The following CDH12 variants were observed in gnomAD, a reference collection of about 807,000 sequenced individuals.
The protein encoded by CDH12 is cadherin-12.
A neutral mutation model predicts 74.1 loss-of-function variants in CDH12; 41 were observed. That is an observed-to-expected ratio of 0.55 (90% CI 0.43 to 0.72). CDH12 has a LOEUF of 0.72. Among genes scored for constraint, CDH12 ranks in the 30% least tolerant of loss-of-function variants. The pLI is 0.00. For missense variants in CDH12, 945 were observed against 977.2 expected, an observed-to-expected ratio of 0.97 and a Z score of 0.44; for synonymous variants, 399 against 355.0, an observed-to-expected ratio of 1.12 and a Z score of -1.39.
chr5:22,145,656 T>C (rs182889990), intron 4 of CDH12, among the ~76,000 whole-genome samples: 3 of 152,216 alleles, frequency 2.0e-5, no homozygotes, highest in Admixed American at 2.0e-4. Context: ...CGGTGAGCAG[T>C]GGCTAAATGA....
intron 1 of CDH12, among the ~76,000 whole-genome samples, chr5:22,827,224 C>T (rs1736385811): frequency 6.6e-6 from 1 of 152,180 alleles, no homozygotes; most frequent in East Asian, 1.9e-4. Flanking sequence ...GCCATGGCGT[C>T]TTCCATGTGG....
At chr5:22,705,747 G>A (rs562390185) in intron 1 of CDH12, among the ~76,000 whole-genome samples, 1 of 152,006 alleles carries the variant, frequency 6.6e-6, no homozygotes, top group African/African-American at 2.4e-5. Context: ...TGAGGGATAA[G>A]GAGATATAAT....
intron 4 of CDH12, among the ~76,000 whole-genome samples, chr5:22,092,303 G>T (rs945256690): frequency 6.6e-6 from 1 of 151,962 alleles, no homozygotes; most frequent in African/African-American, 2.4e-5. Context: ...TTGCTTCAAA[G>T]AATACAGATA....
chr5:22,619,629 T>C (rs1737869291), intron 1 of CDH12, among the ~76,000 whole-genome samples: 1 of 151,992 alleles, frequency 6.6e-6, no homozygotes, highest in South Asian at 2.1e-4. Context: ...GGTAACCTAT[T>C]TTCTATAATT....
At chr5:22,637,467 A>G (rs985183691) in intron 1 of CDH12, among the ~76,000 whole-genome samples, 3 of 152,246 alleles carry the variant, frequency 2.0e-5, no homozygotes, top group African/African-American at 7.2e-5. Flanking sequence ...AAAGAAACTA[A>G]AACATTTTCT....
chr5:22,052,976 G>T lies in CDH12; in HGVS notation c.231+25470C>A, dbSNP rs572671880. On this transcript the variant is annotated intron_variant, in intron 5 of 14. Transcript: ENST00000382254. ...TGCACTTAAACTACATTTTAAAAGA[G>T]ATGCTTAAAGAAAGTTTTATCTCTA... 2.4e-4 allele frequency among the ~76,000 whole-genome samples: 37 copies of T among 151,954 alleles called. No individual in the cohort carries two copies. The South Asian group carries it at 6.8e-3, about 28-fold the overall frequency.
chr5:22,253,161 ATATAC>A (rs1169475332), intron 3 of CDH12, among the ~76,000 whole-genome samples: 1 of 151,930 alleles, frequency 6.6e-6, no homozygotes, highest in African/African-American at 2.4e-5. Flanking sequence ...ATGCAATATA[ATATAC>A]TAATGTGAGA....
chr5:22,741,726 A>G (rs6452095), intron 1 of CDH12, among the ~76,000 whole-genome samples: 78,788 of 152,038 alleles, frequency 0.52, 20,387 homozygotes, highest in East Asian at 0.56. Flanking sequence ...TCTTCCTTCT[A>G]TACTACATGG....
At chr5:22,659,883 G>T (rs1269660430) in intron 1 of CDH12, among the ~76,000 whole-genome samples, 1 of 151,798 alleles carries the variant, frequency 6.6e-6, no homozygotes, top group Non-Finnish European at 1.5e-5. Flanking sequence ...TCAACAAAAT[G>T]GATTTATGAA....
At chr5:22,678,843 C>T (rs7727355) in intron 1 of CDH12, among the ~76,000 whole-genome samples, 83,410 of 151,852 alleles carry the variant, frequency 0.55, 23,106 homozygotes, top group Non-Finnish European at 0.57. Context: ...CTCCTTACCT[C>T]GTTTGATTCT....
At chr5:22,814,046 G>T (rs907677563) in intron 1 of CDH12, among the ~76,000 whole-genome samples, 1 of 152,018 alleles carries the variant, frequency 6.6e-6, no homozygotes, top group Non-Finnish European at 1.5e-5. Context: ...TATATGTTTG[G>T]CAAAAGTCTA....
chr5:22,274,305 C>T (rs910808224), intron 3 of CDH12, among the ~76,000 whole-genome samples: 1 of 151,936 alleles, frequency 6.6e-6, no homozygotes, highest in African/African-American at 2.4e-5. Context: ...AAAATACAAA[C>T]AATAACAAAA....
chr5:22,198,186 G>A (rs1425460902), intron 4 of CDH12, among the ~76,000 whole-genome samples: 5 of 152,116 alleles, frequency 3.3e-5, no homozygotes, highest in African/African-American at 7.2e-5. Flanking sequence ...CTGTGTCAGG[G>A]TGTTCATTTC....
intron 1 of CDH12, among the ~76,000 whole-genome samples, chr5:22,529,957 A>G (rs879942707): frequency 5.9e-5 from 9 of 152,198 alleles, no homozygotes; most frequent in Non-Finnish European, 1.0e-4. Flanking sequence ...CACTGAGTAC[A>G]CTGAGATACC....
intron 2 of CDH12, among the ~76,000 whole-genome samples, chr5:22,480,755 A>G (rs1746356576): frequency 6.6e-6 from 1 of 152,078 alleles, no homozygotes; most frequent in African/African-American, 2.4e-5. Flanking sequence ...TCCATTGCAA[A>G]TGCCCAGGTG....
At chr5:22,318,119 A>AGAGT (rs1738709644) in intron 3 of CDH12, among the ~76,000 whole-genome samples, 1 of 152,224 alleles carries the variant, frequency 6.6e-6, no homozygotes, top group African/African-American at 2.4e-5. Flanking sequence ...AACAATCAGT[A>AGAGT]GAGTAACTTC....
chr5:22,718,643 A>C (rs1252059759), intron 1 of CDH12, among the ~76,000 whole-genome samples: 1 of 152,126 alleles, frequency 6.6e-6, no homozygotes, highest in African/African-American at 2.4e-5. Context: ...GCTCAGGGTC[A>C]CTCGATATCA....
chr5:21,923,298 G>A (rs757166887), intron 6 of CDH12, among the ~76,000 whole-genome samples: 60 of 152,182 alleles, frequency 3.9e-4, no homozygotes, highest in Admixed American at 9.8e-4. Context: ...TCCAACATTT[G>A]TATAAACACA....
At position 21,896,285 on chromosome 5, in the gene CDH12, T is replaced by C. The variant is rs1482028849; in HGVS notation, c.527-41495A>G. Among the ~76,000 whole-genome samples, 3 of 152,220 alleles carry C rather than the reference T, an allele frequency of 2.0e-5. No homozygotes were observed. The East Asian group carries it at 5.8e-4, about 29-fold the overall frequency. ...AATTATAATACTGGAATTCCTCTTA[T>C]AAACCAATTTGTTTCAGTACCAACT... On this transcript the variant is annotated intron_variant, in intron 6 of 14. Coordinates refer to ENST00000382254, the MANE Select transcript of CDH12 (RefSeq NM_004061.5).
Sources: gnomAD v4.1 joint callset for allele counts (sites outside exome capture counted in the v4.1 genomes callset) on GRCh38, gnomAD v4.1.1 for gene constraint, MANE v1.5 for transcripts, NCBI Gene and HGNC (gene_info 2026-07-23, HGNC 2026-07-21) for gene names.